The following RFX7 variants were observed in gnomAD, a reference collection of about 807,000 sequenced individuals.
RFX7 encodes DNA-binding protein RFX7.
Under a neutral mutation model 111.8 loss-of-function variants are expected in RFX7, and 26 were observed. The ratio of observed to expected loss-of-function variants is 0.23; its 90% confidence interval spans 0.17 to 0.32. RFX7 has a LOEUF of 0.32. Ranked by LOEUF, RFX7 falls within the 10% of genes least tolerant of loss-of-function variation. The pLI is 1.00. For synonymous variants in RFX7, 624 were observed against 624.4 expected (o/e 1.00, Z 0.01); for missense variants, 1,573 against 1,772.9 (o/e 0.89, Z 2.02).
At chr15:56,203,862 GC>G (rs2043221557) in intron 2 of RFX7, among the ~76,000 whole-genome samples, 1 of 152,086 alleles carries the variant, frequency 6.6e-6, no homozygotes, top group Non-Finnish European at 1.5e-5. Context: ...AGTCCTCAGG[GC>G]GTCTCTGTCT....
Position 56,109,089 on chromosome 15 carries a change from A to G in RFX7, c.402-5419T>C, listed in dbSNP as rs1269658051. On this transcript the variant is annotated intron_variant, in intron 5 of 9. Coordinates refer to ENST00000559447, the MANE Select transcript of RFX7 (RefSeq NM_022841.7). ...TCCCTCTTTCCACGGTCTCCCTCTG[A>G]TGCCGAGCCGAAGCTGGACTGTACT... Among the ~76,000 whole-genome samples, 3 of 152,108 alleles carry G rather than the reference A, an allele frequency of 2.0e-5. No homozygotes were observed. In the East Asian group the frequency reaches 5.8e-4, roughly 29 times the overall value.
intron 5 of RFX7, among the ~76,000 whole-genome samples, chr15:56,141,656 A>ATATATATATATATATATATATATATATAT (rs1555421058): frequency 3.6e-5 from 3 of 83,186 alleles, no homozygotes; most frequent in African/African-American, 2.0e-4. Flanking sequence ...GCTTACTCTA[A>ATATATATATATATATATATATATATATAT]ATATATATAT....
chr15:56,205,479 T>C (rs2043240315), intron 2 of RFX7, among the ~76,000 whole-genome samples: 1 of 152,172 alleles, frequency 6.6e-6, no homozygotes, highest in East Asian at 1.9e-4. Context: ...TTCTCTCACT[T>C]CTCCTCCCAG....
chr15:56,144,582 T>G (rs2042443565), intron 3 of RFX7, 99 bp from the exon 4 acceptor site: 1 of 439,932 alleles, frequency 2.3e-6, no homozygotes, highest in Non-Finnish European at 4.4e-6. Flanking sequence ...AATGACTATT[T>G]AAATTTAAAA....
chr15:56,154,543 T>C (rs1237940178), intron 3 of RFX7, among the ~76,000 whole-genome samples: 4 of 152,214 alleles, frequency 2.6e-5, no homozygotes, highest in Non-Finnish European at 5.9e-5. Flanking sequence ...GGATTCCCTA[T>C]TTAATAAATG....
At position 56,234,420 on chromosome 15, in the gene RFX7, T is replaced by A. The variant is rs566018644; in HGVS notation, c.161+8705A>T. 1.7e-4 allele frequency among the ~76,000 whole-genome samples: 26 copies of A among 152,348 alleles called. 1 individual carries two copies. Among genetic ancestry groups the A allele is most frequent in the African/African-American group, 6.3e-4 (26 of 41,580 alleles). ...CTGACTTCTTAAAAACCTGTACATG[T>A]AGAATCTGCCTAAAATGCTGCTTGC... On this transcript the variant is annotated intron_variant, in intron 2 of 9. Transcript: ENST00000559447.
At chr15:56,117,745 G>C (rs1171499256) in intron 5 of RFX7, among the ~76,000 whole-genome samples, 1 of 151,980 alleles carries the variant, frequency 6.6e-6, no homozygotes, top group African/African-American at 2.4e-5. Context: ...TCTATTCCCA[G>C]TTTATTTTAC....
intron 3 of RFX7, among the ~76,000 whole-genome samples, chr15:56,145,626 T>C (rs1442777553): frequency 1.3e-5 from 2 of 152,190 alleles, no homozygotes; most frequent in Non-Finnish European, 2.9e-5. Flanking sequence ...ACACACATTC[T>C]CTTCTTAATT....
At chr15:56,233,158 G>T (rs1386980106) in intron 2 of RFX7, among the ~76,000 whole-genome samples, 3 of 152,192 alleles carry the variant, frequency 2.0e-5, no homozygotes, top group Admixed American at 1.3e-4. Flanking sequence ...TAAGGAAAAA[G>T]AGGTTTAATG....
rs1271857450 is a variant in RFX7, at chr15:56,091,042, GAA to G, written c.*2301_*2302del. Reference sequence around the variant, plus strand: ...ACTGAACCAGTTTCAATACAGCGAAGAAAAAAAAGAGTGGTTACAGGAATCCT... The same window carrying G: ...ACTGAACCAGTTTCAATACAGCGAAGAAAAAAGAGTGGTTACAGGAATCCT... On this transcript the variant is annotated 3_prime_UTR_variant, in exon 10 of 10. Transcript: ENST00000559447. 6.6e-6 allele frequency: 1 copy of G among 152,020 alleles called. No homozygotes were observed. Among genetic ancestry groups the G allele is most frequent in the East Asian group, 1.9e-4 (1 of 5,178 alleles). The allele number at this position is 152,020 out of a possible 1,614,324, so 9.4% of individuals were successfully genotyped here.
intron 2 of RFX7, among the ~76,000 whole-genome samples, chr15:56,194,816 G>T (rs907448998): frequency 1.3e-5 from 2 of 152,042 alleles, no homozygotes; most frequent in Non-Finnish European, 2.9e-5. Flanking sequence ...ATTGCTTGTG[G>T]GAATGAAAGA....
chr15:56,139,788 G>A (rs1486209095), intron 5 of RFX7, among the ~76,000 whole-genome samples: 1 of 151,950 alleles, frequency 6.6e-6, no homozygotes, highest in African/African-American at 2.4e-5. Context: ...GTACAGATGG[G>A]TTTTTGGTGT....
At chr15:56,168,758 T>C (rs1332067827) in intron 3 of RFX7, among the ~76,000 whole-genome samples, 1 of 152,178 alleles carries the variant, frequency 6.6e-6, no homozygotes. Flanking sequence ...GTGTCCTGAA[T>C]AAAAAGATGG....
chr15:56,095,493 T>C lies in RFX7; in HGVS notation c.2235A>G (p.Glu745=), dbSNP rs751348319. ...GAGATGATGATGGGGTTGTTTGCTGTTCCAAAGCTGAATCACTGATAACAA... is the reference window on the plus strand; with the variant it reads ...GAGATGATGATGGGGTTGTTTGCTGCTCCAAAGCTGAATCACTGATAACAA... ...SALVISDSAL[E]QQTTPSSSPD... Residue 745 remains glutamate, a synonymous_variant, in exon 10 of 10, where the codon GAA becomes GAG. Transcript: ENST00000559447. 1 of 1,612,812 alleles carries C rather than the reference T, an allele frequency of 6.2e-7. No individual in the cohort carries two copies.
At chr15:56,170,998 A>G (rs1224056005) in intron 3 of RFX7, among the ~76,000 whole-genome samples, 1 of 152,218 alleles carries the variant, frequency 6.6e-6, no homozygotes, top group Non-Finnish European at 1.5e-5. Flanking sequence ...GGTGTGAAAT[A>G]AACAGAACTT....
At chr15:56,197,969 A>G (rs1438438613) in intron 2 of RFX7, among the ~76,000 whole-genome samples, 22 of 152,270 alleles carry the variant, frequency 1.4e-4, no homozygotes, top group African/African-American at 5.3e-4. Context: ...TGTTATAAAT[A>G]TCATTTATTA....
At chr15:56,113,974 G>A (rs1185221168) in intron 5 of RFX7, among the ~76,000 whole-genome samples, 1 of 152,094 alleles carries the variant, frequency 6.6e-6, no homozygotes, top group Non-Finnish European at 1.5e-5. Context: ...CAAGTAATAT[G>A]GTCAAATATC....
intron 2 of RFX7, among the ~76,000 whole-genome samples, chr15:56,184,124 A>G (rs1449374742): frequency 6.6e-6 from 1 of 151,176 alleles, no homozygotes; most frequent in Non-Finnish European, 1.5e-5. Flanking sequence ...GGTTCAAGCA[A>G]TTGTCCTGCC....
intron 3 of RFX7, among the ~76,000 whole-genome samples, chr15:56,155,771 A>G (rs2042644298): frequency 6.6e-6 from 1 of 151,124 alleles, no homozygotes; most frequent in African/African-American, 2.5e-5. Context: ...ATATTTAAAA[A>G]AATGTGGAAA....
Sources: allele counts gnomAD v4.1 joint callset (sites outside exome capture counted in the v4.1 genomes callset), GRCh38; gene constraint gnomAD v4.1.1; transcripts MANE v1.5; gene names NCBI Gene and HGNC (gene_info 2026-07-23, HGNC 2026-07-21).